The following GPR173 variants were observed in gnomAD, a reference collection of about 807,000 sequenced individuals.
The protein encoded by GPR173 is probable G protein-coupled receptor 173.
In GPR173, 2 loss-of-function variants were observed where a neutral mutation model predicts 13.9. The observed-to-expected ratio is 0.14, with a 90% confidence interval of 0.06 to 0.45. GPR173 has a LOEUF of 0.45. GPR173 is among the 20% of genes least tolerant of loss of function. The probability of loss-of-function intolerance (pLI) is 0.98; values close to 1 mark genes in which losing one functional copy is unlikely to be tolerated. For synonymous variants in GPR173, 131 were observed against 141.0 expected, an observed-to-expected ratio of 0.93 and a Z score of 0.50; for missense variants, 202 against 340.5, an observed-to-expected ratio of 0.59 and a Z score of 3.20.
At chrX:53,064,422 A>C (rs1341723806) in intron 1 of GPR173, among the ~76,000 whole-genome samples, 5 of 110,415 alleles carry the variant, frequency 4.5e-5, no homozygotes, top group African/African-American at 6.6e-5. Context: ...TACAAAAATT[A>C]GCTGGGCATC....
At chrX:53,050,331 A>G (rs200210758) in intron 1 of GPR173, among the ~76,000 whole-genome samples, 138 of 111,771 alleles carry the variant, frequency 1.2e-3, no homozygotes, top group African/African-American at 4.3e-3. Flanking sequence ...CCTCCACCAC[A>G]AGGCTCTCTG....
In GPR173 at chrX:53,077,957, G is replaced by T; in HGVS notation, c.*214G>T. The T allele has an allele frequency of 2.4e-6, 1 of 414,107 alleles. No homozygotes were observed. The highest frequency in any genetic ancestry group is 5.0e-5 in the South Asian group (1 of 19,948). 34.1% of individuals were successfully genotyped at this position (414,107 alleles called of 1,213,427 possible). On this transcript the variant is annotated 3_prime_UTR_variant, in exon 2 of 2. Transcript: ENST00000332582. The stretch of plus-strand genomic sequence containing the variant: ...GAAAGAGGCATATTTAGTTTTGTGG[G>T]GCCTGTCTCCGCTGCCTCCTTCTCC...
chrX:53,071,980 G>T (rs781893465), intron 1 of GPR173, among the ~76,000 whole-genome samples: 1 of 110,456 alleles, frequency 9.1e-6, no homozygotes, highest in East Asian at 2.9e-4. Flanking sequence ...ACGTGTCTGG[G>T]CTCGAGCAGG....
chrX:53,059,987 CA>C (rs1190869192), intron 1 of GPR173, among the ~76,000 whole-genome samples: 4 of 85,090 alleles, frequency 4.7e-5, no homozygotes, highest in South Asian at 5.6e-4. Context: ...GACCCTGTCT[CA>C]AAAAAAAAAC....
chrX:53,071,747 G>T (rs1279726716), intron 1 of GPR173, among the ~76,000 whole-genome samples: 3 of 112,388 alleles, frequency 2.7e-5, no homozygotes, highest in Non-Finnish European at 5.6e-5. Context: ...AAGCGCTGGC[G>T]CTCGGAGAGG....
chrX:53,077,003 C>T lies in GPR173; in HGVS notation c.382C>T (p.His128Tyr). 8.3e-7 allele frequency: 1 copy of T among 1,210,472 alleles called. No individual in the cohort carries two copies. The highest frequency in any genetic ancestry group is 1.1e-6 in the Non-Finnish European group (1 of 895,239). The change falls in exon 2 of 2, where the codon CAC becomes TAC. Residue 128 changes from histidine (H) to tyrosine (Y), a missense_variant. Coordinates refer to ENST00000332582, the MANE Select transcript of GPR173 (RefSeq NM_018969.6). ...CACCCGCTACATGGCCATCGCCCAC[C>T]ACCGCTTCTACGCCAAGCGCATGAC... is the stretch of plus-strand genomic sequence containing the variant. ...SVTRYMAIAHHRFYAKRMTLW... is the reference protein window; with the variant it reads ...SVTRYMAIAHYRFYAKRMTLW...
At chrX:53,050,424 T>C (rs782254991) in intron 1 of GPR173, among the ~76,000 whole-genome samples, 20 of 112,111 alleles carry the variant, frequency 1.8e-4, no homozygotes, top group Non-Finnish European at 3.0e-4. Context: ...TCCATATATC[T>C]GGAAGGGCAG....
At position 53,049,065 on chromosome X, in the gene GPR173, G is replaced by A. The variant is rs1216513911; in HGVS notation, c.-517G>A. 3 of 105,631 alleles carry A rather than the reference G, an allele frequency of 2.8e-5. No homozygotes were observed. The highest frequency in any genetic ancestry group is 6.0e-5 in the Non-Finnish European group (3 of 50,213). The allele number at this position is 105,631 out of a possible 1,213,427, so 8.7% of individuals were successfully genotyped here. Reference sequence around the variant, plus strand: ...CGGCCAGCAGGCAGACGGAGGGGGGGGGTGGGGGGTGGGGGGGGTAGGGGG... The same window carrying A: ...CGGCCAGCAGGCAGACGGAGGGGGGAGGTGGGGGGTGGGGGGGGTAGGGGG... On this transcript the variant is annotated 5_prime_UTR_variant, in exon 1 of 2. Transcript: ENST00000332582.
intron 1 of GPR173, among the ~76,000 whole-genome samples, chrX:53,062,208 A>T (rs1556803865): frequency 9.0e-6 from 1 of 110,854 alleles, no homozygotes; most frequent in African/African-American, 3.3e-5. Context: ...CGGAGGACAC[A>T]TTCAAGCCGT....
In GPR173 at chrX:53,079,902, C is replaced by T. The variant is rs978138501; in HGVS notation, c.*2159C>T. 2.4e-5 allele frequency: 3 copies of T among 122,676 alleles called. No homozygotes were observed. Among genetic ancestry groups the T allele is most frequent in the Non-Finnish European group, 5.7e-5 (3 of 53,051 alleles). The allele number at this position is 122,676 out of a possible 1,213,427, so 10.1% of individuals were successfully genotyped here. Reference sequence around the variant, plus strand: ...CGGTAGCAAGAGGGTAGACTCCCATCTCACAAGATGGGCCTCCCTTGGCCC... The same window carrying T: ...CGGTAGCAAGAGGGTAGACTCCCATTTCACAAGATGGGCCTCCCTTGGCCC... On this transcript the variant is annotated 3_prime_UTR_variant, in exon 2 of 2. Coordinates refer to ENST00000332582, the MANE Select transcript of GPR173 (RefSeq NM_018969.6).
At position 53,079,955 on chromosome X, in the gene GPR173, C is replaced by T. The variant is rs1176948374; in HGVS notation, c.*2212C>T. On this transcript the variant is annotated 3_prime_UTR_variant, in exon 2 of 2. Coordinates refer to ENST00000332582, the MANE Select transcript of GPR173 (RefSeq NM_018969.6). ...GCCCTGAGCACGGGAGGGCTGGGGC[C>T]GCCAGGGAACTTGAAAACCTCATCT... 4 of 122,432 alleles carry T rather than the reference C, an allele frequency of 3.3e-5. No individual in the cohort carries two copies. The highest frequency in any genetic ancestry group is 6.6e-5 in the African/African-American group (2 of 30,503). 10.1% of individuals were successfully genotyped at this position (122,432 alleles called of 1,213,427 possible).
chrX:53,070,701 C>A (rs941368138), intron 1 of GPR173, among the ~76,000 whole-genome samples: 2 of 110,197 alleles, frequency 1.8e-5, no homozygotes, highest in Non-Finnish European at 3.8e-5. Context: ...CCAGGCTGGT[C>A]TCAAACCCCT....
chrX:53,060,128 T>C (rs1556803620), intron 1 of GPR173, among the ~76,000 whole-genome samples: 2 of 108,991 alleles, frequency 1.8e-5, no homozygotes, highest in African/African-American at 6.7e-5. Context: ...ACTCTCTACA[T>C]ATACACAAGA....
chrX:53,063,783 G>A (rs890461928), intron 1 of GPR173, among the ~76,000 whole-genome samples: 1 of 111,285 alleles, frequency 9.0e-6, no homozygotes, highest in Non-Finnish European at 1.9e-5. Flanking sequence ...ATCTTTGCAC[G>A]CATATAACAA....
chrX:53,067,997 C>T (rs1036152070), intron 1 of GPR173, among the ~76,000 whole-genome samples: 10 of 111,781 alleles, frequency 8.9e-5, no homozygotes, highest in African/African-American at 3.3e-4. Flanking sequence ...TATCAAATAC[C>T]AATCACAAGT....
At chrX:53,066,270 C>T (rs180788599) in intron 1 of GPR173, among the ~76,000 whole-genome samples, 1 of 111,563 alleles carries the variant, frequency 9.0e-6, no homozygotes, top group African/African-American at 3.3e-5. Context: ...TAAACATCAC[C>T]CAGGGAACCA....
intron 1 of GPR173, chrX:53,064,985 A>C (rs193100073): frequency 8.9e-6 from 1 of 111,848 alleles, no homozygotes; most frequent in Non-Finnish European, 1.9e-5. Context: ...GTCAACATCC[A>C]TGCCCACTTC....
intron 1 of GPR173, among the ~76,000 whole-genome samples, chrX:53,062,333 G>T (rs1481499683): frequency 9.1e-6 from 1 of 110,187 alleles, no homozygotes; most frequent in Admixed American, 9.8e-5. Flanking sequence ...AAATTCCAAA[G>T]TCCAGAGTCC....
At position 53,077,164 on chromosome X, in the gene GPR173, C is replaced by G. The variant is rs1556805953; in HGVS notation, c.543C>G (p.Phe181Leu). The G allele has an allele frequency of 1.7e-6, 2 of 1,207,802 alleles. No individual in the cohort carries two copies. Among genetic ancestry groups the G allele is most frequent in the Non-Finnish European group, 2.2e-6 (2 of 892,450 alleles). Residue 181 changes from phenylalanine to leucine, a missense_variant, in exon 2 of 2, where the codon TTC becomes TTG. Coordinates refer to ENST00000332582, the MANE Select transcript of GPR173 (RefSeq NM_018969.6). ...AGTGCATCTTTGAGCATCGCTACTTCAAGGCCAATGACACGCTGGGCTTCA... is the reference window on the plus strand; with the variant it reads ...AGTGCATCTTTGAGCATCGCTACTTGAAGGCCAATGACACGCTGGGCTTCA... ...EDQCIFEHRY[F>L]KANDTLGFML... is the part of the protein sequence containing the mutation.
Sources: gnomAD v4.1 joint callset for allele counts (sites outside exome capture counted in the v4.1 genomes callset) on GRCh38, gnomAD v4.1.1 for gene constraint, MANE v1.5 for transcripts, NCBI Gene and HGNC (gene_info 2026-07-23, HGNC 2026-07-21) for gene names.